Variants in SARAF observed in about 807,000 individuals in gnomAD.
The protein encoded by SARAF is store-operated calcium entry-associated regulatory factor.
A neutral mutation model predicts 39.7 loss-of-function variants in SARAF; 23 were observed. The ratio of observed to expected loss-of-function variants is 0.58; its 90% CI spans 0.42 to 0.82. The LOEUF (loss-of-function observed/expected upper bound fraction) is 0.82. Among genes scored for constraint, SARAF ranks in the 40% least tolerant of loss-of-function variants. The pLI is 0.00. For missense variants in SARAF, 384 were observed against 418.5 expected, an observed-to-expected ratio of 0.92 and a Z score of 0.72; for synonymous variants, 175 against 168.5, an observed-to-expected ratio of 1.04 and a Z score of -0.30.
intron 1 of SARAF, among the ~76,000 whole-genome samples, chr8:30,078,691 G>A (rs1056179837): frequency 1.3e-5 from 2 of 151,942 alleles, no homozygotes; most frequent in African/African-American, 4.8e-5. Context: ...ATAAACTTAA[G>A]GTCAATACCC....
rs1585449886 is a variant in SARAF at position 30,082,622 on chromosome 8, C to G, written c.103+225G>C. ...GGGAGAAAGGGGACCTTAAGGATCT[C>G]CAGCCGTCCCGCCCCGCCCACTCGA... On this transcript the variant is annotated intron_variant, in intron 1 of 5. Transcript: ENST00000256255. The G allele has an allele frequency of 2.2e-5, 10 of 453,078 alleles. No individual in the cohort carries two copies. The East Asian group carries it at 3.3e-4, about 15-fold the overall frequency. The allele number at this position is 453,078 out of a possible 1,614,324, so 28.1% of individuals were successfully genotyped here.
chr8:30,069,107 T>G (rs1801764825), intron 3 of SARAF, among the ~76,000 whole-genome samples: 1 of 151,378 alleles, frequency 6.6e-6, no homozygotes, highest in African/African-American at 2.4e-5. Context: ...GTTTCTCTGA[T>G]TAAGAGTATT....
intron 2 of SARAF, 24 bp from the exon 3 acceptor site, chr8:30,070,083 C>A: frequency 1.3e-6 from 2 of 1,498,462 alleles, no homozygotes; most frequent in Non-Finnish European, 1.8e-6. Flanking sequence ...TAGAAACAGA[C>A]TATTAGAAAC....
intron 3 of SARAF, among the ~76,000 whole-genome samples, chr8:30,068,103 T>C (rs1801733138): frequency 6.6e-6 from 1 of 152,214 alleles, no homozygotes; most frequent in African/African-American, 2.4e-5. Flanking sequence ...CTTATTTCTG[T>C]TGAACATGTA....
chr8:30,067,081 C>CCT, intron 3 of SARAF, 163 bp from the exon 4 acceptor site: 4 of 740,972 alleles, frequency 5.4e-6, no homozygotes, highest in Non-Finnish European at 8.6e-6. Context: ...TTGTAAAATA[C>CCT]TGGTTTATAA....
chr8:30,063,734 T>C lies in SARAF; in HGVS notation c.*154A>G, dbSNP rs571072916. The C allele has an allele frequency of 7.5e-5, 50 of 670,660 alleles. No homozygotes were observed. The highest frequency in any genetic ancestry group is 1.0e-4 in the Non-Finnish European group (40 of 381,918). The allele number at this position is 670,660 out of a possible 1,614,324, so 41.5% of individuals were successfully genotyped here. ...TCACACATCAACTTTTAGCCTCAAA[T>C]AATAGAATACAAAAAGCTACACTGG... On this transcript the variant is annotated 3_prime_UTR_variant, in exon 6 of 6. Transcript: ENST00000256255.
At chr8:30,083,098 G>A, upstream of SARAF, 3 of 559,240 alleles carry the variant, frequency 5.4e-6, no homozygotes, top group South Asian at 4.6e-5. Context: ...CAACGGATCC[G>A]TGCGCCAACC....
chr8:30,082,749 T>C, intron 1 of SARAF, 98 bp downstream of exon 1: 1 of 942,446 alleles, frequency 1.1e-6, no homozygotes, highest in Non-Finnish European at 1.5e-6. Context: ...GCACCCAGGC[T>C]CCGGGAAGAC....
Position 30,078,281 on chromosome 8 carries a change from G to A in SARAF, c.104-4226C>T, listed in dbSNP as rs937861737. On this transcript the variant is annotated intron_variant, in intron 1 of 5. Transcript: ENST00000256255. ...TCTGAAAGAATGAACAAGGGAATCT[G>A]ATTAGACAAACTCCAGGCTGTAATT... 12 of 441,990 alleles carry A rather than the reference G, an allele frequency of 2.7e-5. No homozygotes were observed. The East Asian group carries it at 7.1e-4, about 26-fold the overall frequency. 27.4% of individuals were successfully genotyped at this position (441,990 alleles called of 1,614,324 possible).
chr8:30,071,536 T>C (rs192372440), intron 2 of SARAF, among the ~76,000 whole-genome samples: 2 of 152,368 alleles, frequency 1.3e-5, no homozygotes, highest in African/African-American at 4.8e-5. Context: ...TTTAGTATAT[T>C]CACAGTTGTG....
At chr8:30,068,591 G>A (rs539845116) in intron 3 of SARAF, among the ~76,000 whole-genome samples, 57 of 46,424 alleles carry the variant, frequency 1.2e-3, no homozygotes, top group Admixed American at 4.9e-3. Context: ...CCCCTAGTCC[G>A]TGGAAAAATT....
chr8:30,082,029 A>C (rs887922279), intron 1 of SARAF, among the ~76,000 whole-genome samples: 2 of 152,178 alleles, frequency 1.3e-5, no homozygotes, highest in East Asian at 3.8e-4. Context: ...CATCACTGCA[A>C]TCGTCAGATA....
In SARAF at chr8:30,070,401, G is replaced by A. The variant is rs149842804; in HGVS notation, c.283-342C>T. Among the ~76,000 whole-genome samples, 186 of 151,414 alleles carry A rather than the reference G, an allele frequency of 1.2e-3. 1 individual carries two copies. The East Asian group carries it at 0.026, about 21-fold the overall frequency. ...AGCCTGAGCAACAGAGCAAGACTCC[G>A]TCTCAAGAAAAAAAAAAATGTTACT... On this transcript the variant is annotated intron_variant, in intron 2 of 5. Coordinates refer to ENST00000256255, the MANE Select transcript of SARAF (RefSeq NM_016127.6).
intron 1 of SARAF, among the ~76,000 whole-genome samples, chr8:30,075,262 T>G (rs1031729776): frequency 8.6e-5 from 13 of 150,530 alleles, no homozygotes. Context: ...ATCACACCAT[T>G]GCACTCCAGC....
At position 30,063,528 on chromosome 8, in the gene SARAF, C is replaced by A; in HGVS notation, c.*360G>T. 2 of 260,208 alleles carry A rather than the reference C, an allele frequency of 7.7e-6. No individual in the cohort carries two copies. Among genetic ancestry groups the A allele is most frequent in the Non-Finnish European group, 1.5e-5 (2 of 136,712 alleles). 16.1% of individuals were successfully genotyped at this position (260,208 alleles called of 1,614,324 possible). A position where few individuals can be genotyped will look rare whatever the true frequency, so the allele number is the denominator to read the frequency against. On this transcript the variant is annotated 3_prime_UTR_variant, in exon 6 of 6. Coordinates refer to ENST00000256255, the MANE Select transcript of SARAF (RefSeq NM_016127.6). ...GTAATAACTCATCAGCTACAACCAC[C>A]TAAAACTGAAATTTTCTGTACTTAG... is the stretch of plus-strand genomic sequence containing the variant.
intron 4 of SARAF, 74 bp downstream of exon 4, chr8:30,066,703 T>G: frequency 6.4e-7 from 1 of 1,551,088 alleles, no homozygotes; most frequent in Non-Finnish European, 8.8e-7. Flanking sequence ...TTAGCAAAAC[T>G]AAATGCAGTT....
intron 5 of SARAF, among the ~76,000 whole-genome samples, chr8:30,064,543 A>ATT (rs1187215004): frequency 6.1e-5 from 3 of 49,026 alleles, no homozygotes; most frequent in Middle Eastern, 0.01. Flanking sequence ...CCATATATAT[A>ATT]TATATATATA....
intron 4 of SARAF, 64 bp from the exon 5 acceptor site, chr8:30,066,203 C>T (rs1801689510): frequency 6.5e-7 from 1 of 1,528,292 alleles, no homozygotes; most frequent in Non-Finnish European, 8.9e-7. Context: ...AAATACCTTC[C>T]TGTTCCTAAA....
At chr8:30,071,279 G>A (rs140100080) in intron 2 of SARAF, among the ~76,000 whole-genome samples, 1 of 152,328 alleles carries the variant, frequency 6.6e-6, no homozygotes, top group East Asian at 1.9e-4. Flanking sequence ...CCCAGAGGCA[G>A]AGGTTGCAGT....
Sources: allele counts gnomAD v4.1 joint callset (sites outside exome capture counted in the v4.1 genomes callset), GRCh38; gene constraint gnomAD v4.1.1; transcripts MANE v1.5; gene names NCBI Gene and HGNC (gene_info 2026-07-23, HGNC 2026-07-21).